Variants in CDKL4 observed in about 807,000 individuals in gnomAD.
The protein encoded by CDKL4 is cyclin dependent kinase like 4, also known as cyclin-dependent kinase-like 4.
Under a neutral mutation model 42.0 loss-of-function variants are expected in CDKL4, and 44 were observed. The observed-to-expected ratio is 1.05, with a 90% CI of 0.82 to 1.35. The LOEUF is 1.35. CDKL4 is among the 40% of genes most tolerant of loss of function. The probability of loss-of-function intolerance (pLI) is 0.00; values close to 1 mark genes in which losing one functional copy is unlikely to be tolerated. For synonymous variants in CDKL4, 120 were observed against 121.6 expected (o/e 0.99, Z 0.09); for missense variants, 393 against 369.9 (o/e 1.06, Z -0.51).
At chr2:39,226,117 G>A (rs1305786960) in intron 2 of CDKL4, among the ~76,000 whole-genome samples, 157 bp from the exon 3 acceptor site, 1 of 151,930 alleles carries the variant, frequency 6.6e-6, no homozygotes, top group African/African-American at 2.4e-5. Flanking sequence ...TCTGGTGATA[G>A]CAAGTAAAGT....
intron 2 of CDKL4, among the ~76,000 whole-genome samples, chr2:39,226,474 TA>T (rs373102542): frequency 1.5e-4 from 21 of 141,132 alleles, no homozygotes; most frequent in South Asian, 4.3e-4. Flanking sequence ...ATTATATATA[TA>T]TAATATATAT....
chr2:39,198,577 A>C (rs1676657513), intron 5 of CDKL4, among the ~76,000 whole-genome samples: 1 of 152,182 alleles, frequency 6.6e-6, no homozygotes, highest in Non-Finnish European at 1.5e-5. Flanking sequence ...GCCAAGATAG[A>C]CCATATAATA....
At chr2:39,181,521 G>T (rs1489864521) in intron 8 of CDKL4, among the ~76,000 whole-genome samples, 1 of 152,110 alleles carries the variant, frequency 6.6e-6, no homozygotes, top group East Asian at 1.9e-4. Context: ...ACTGTTATGG[G>T]TTGAGTTGTA....
intron 5 of CDKL4, among the ~76,000 whole-genome samples, chr2:39,194,059 T>C (rs1468790673): frequency 2.0e-5 from 3 of 152,202 alleles, no homozygotes; most frequent in Non-Finnish European, 4.4e-5. Context: ...GGGAGATTCC[T>C]AAAAGTGAAA....
intron 1 of CDKL4, among the ~76,000 whole-genome samples, chr2:39,231,126 C>T (rs1453037667): frequency 1.3e-5 from 2 of 152,138 alleles, no homozygotes; most frequent in Non-Finnish European, 2.9e-5. Flanking sequence ...GCAGGAGAAT[C>T]TCTTGAACCC....
intron 1 of CDKL4, among the ~76,000 whole-genome samples, chr2:39,240,415 C>T (rs990363512): frequency 2.8e-4 from 40 of 142,382 alleles, no homozygotes; most frequent in African/African-American, 1.0e-3. Flanking sequence ...AGCGAGACTT[C>T]GTCTCAAAAA....
chr2:39,242,473 G>C (rs908157654), intron 1 of CDKL4, among the ~76,000 whole-genome samples: 2 of 152,240 alleles, frequency 1.3e-5, no homozygotes, highest in African/African-American at 2.4e-5. Flanking sequence ...TACAAAGGCA[G>C]ATAGGTATAG....
chr2:39,204,311 C>G (rs1161763415), intron 5 of CDKL4, among the ~76,000 whole-genome samples: 1 of 152,202 alleles, frequency 6.6e-6, no homozygotes, highest in Admixed American at 6.5e-5. Flanking sequence ...TCCTATGGGG[C>G]AAAGCACAGA....
intron 3 of CDKL4, among the ~76,000 whole-genome samples, chr2:39,224,421 CAG>C (rs144198703): frequency 0.026 from 3,922 of 151,886 alleles, 171 homozygotes; most frequent in African/African-American, 0.091. Flanking sequence ...TGTCTTCATG[CAG>C]AGTCAGAACA....
chr2:39,225,168 G>A (rs917008316), intron 3 of CDKL4, among the ~76,000 whole-genome samples: 1 of 152,036 alleles, frequency 6.6e-6, no homozygotes. Context: ...TTGGGAGGCC[G>A]AGGCAGGTGG....
chr2:39,233,391 G>A (rs556400681), intron 1 of CDKL4, among the ~76,000 whole-genome samples: 1 of 152,286 alleles, frequency 6.6e-6, no homozygotes, highest in East Asian at 1.9e-4. Context: ...AAGGACAAGA[G>A]GGAAGGGAAA....
At chr2:39,192,342 T>C (rs936882456) in intron 5 of CDKL4, among the ~76,000 whole-genome samples, 3 of 152,120 alleles carry the variant, frequency 2.0e-5, no homozygotes, top group Non-Finnish European at 4.4e-5. Flanking sequence ...TTGGAGTCTT[T>C]TTCTTATTTA....
At chr2:39,189,648 A>G (rs1035819454) in intron 6 of CDKL4, among the ~76,000 whole-genome samples, 7 of 152,210 alleles carry the variant, frequency 4.6e-5, no homozygotes, top group African/African-American at 1.7e-4. Flanking sequence ...TTGTGACCTC[A>G]GAATTGGTTT....
intron 1 of CDKL4, among the ~76,000 whole-genome samples, chr2:39,231,495 T>C (rs1291140683): frequency 6.6e-6 from 1 of 152,194 alleles, no homozygotes; most frequent in Non-Finnish European, 1.5e-5. Context: ...ACTACTGACA[T>C]ACTATTTTTT....
At chr2:39,243,781 C>T (rs1384645705) in intron 1 of CDKL4, among the ~76,000 whole-genome samples, 90 bp downstream of exon 1, 1 of 152,254 alleles carries the variant, frequency 6.6e-6, no homozygotes, top group Non-Finnish European at 1.5e-5. Flanking sequence ...GTTCCTGCAA[C>T]TGGGATCCGC....
At chr2:39,179,792 A>G (rs1675333561) in intron 8 of CDKL4, among the ~76,000 whole-genome samples, 1 of 152,200 alleles carries the variant, frequency 6.6e-6, no homozygotes, top group Non-Finnish European at 1.5e-5. Context: ...CCATATGCTC[A>G]GGTTTGAGAA....
At chr2:39,206,076 C>CA (rs1677167792) in intron 4 of CDKL4, among the ~76,000 whole-genome samples, 1 of 150,286 alleles carries the variant, frequency 6.7e-6, no homozygotes, top group Admixed American at 6.6e-5. Flanking sequence ...TTTTTTGAGA[C>CA]AGAGTCTCAC....
chr2:39,189,046 C>G (rs560392761), intron 6 of CDKL4, among the ~76,000 whole-genome samples: 6 of 152,250 alleles, frequency 3.9e-5, no homozygotes, highest in South Asian at 2.1e-4. Flanking sequence ...TTTCCAGAAT[C>G]TTTTTAGGGA....
At chr2:39,220,993 T>G (rs1558575875) in intron 3 of CDKL4, among the ~76,000 whole-genome samples, 46 of 42,178 alleles carry the variant, frequency 1.1e-3, no homozygotes, top group African/African-American at 1.8e-3. Flanking sequence ...TTTTTTTTTT[T>G]TTTTTTTGTT....
Sources: allele counts gnomAD v4.1 joint callset (sites outside exome capture counted in the v4.1 genomes callset), GRCh38; gene constraint gnomAD v4.1.1; transcripts MANE v1.5; gene names NCBI Gene and HGNC (gene_info 2026-07-23, HGNC 2026-07-21).